Variants in STOX2 observed in about 807,000 individuals in gnomAD.
STOX2 encodes storkhead-box protein 2.
In STOX2, 28 loss-of-function variants were observed where a neutral mutation model predicts 60.9. The observed-to-expected ratio is 0.46, with a 90% CI of 0.34 to 0.63. The LOEUF is 0.63. STOX2 is among the 30% of genes least tolerant of loss of function. The pLI, the probability that STOX2 is intolerant of heterozygous loss-of-function variation, is 0.01. For synonymous variants in STOX2, 472 were observed against 463.9 expected (o/e 1.02, Z -0.22); for missense variants, 1,024 against 1,187.7 (o/e 0.86, Z 2.03).
At position 183,954,445 on chromosome 4, in the gene STOX2, T is replaced by A. The variant is rs556292044; in HGVS notation, c.167-46880T>A. 3.3e-5 allele frequency among the ~76,000 whole-genome samples: 5 copies of A among 150,828 alleles called. No homozygotes were observed. The East Asian group carries it at 1.0e-3, about 30-fold the overall frequency. On this transcript the variant is annotated intron_variant, in intron 1 of 3. Transcript: ENST00000308497. ...CTGGGATTACAGGCGCCCACCACCA[T>A]ACCTGGCTAATTTTTTGTATTTTTA...
chr4:183,869,821 C>T (rs1028929265), intron 1 of STOX2, among the ~76,000 whole-genome samples: 1 of 152,140 alleles, frequency 6.6e-6, no homozygotes, highest in African/African-American at 2.4e-5. Flanking sequence ...CATTGATAAG[C>T]TATTTAAAAA....
intron 1 of STOX2, among the ~76,000 whole-genome samples, chr4:183,948,241 A>AC (rs1469003169): frequency 2.7e-5 from 4 of 150,322 alleles, no homozygotes; most frequent in Non-Finnish European, 5.9e-5. Context: ...AAAAAAAAAA[A>AC]AAACACGAAA....
chr4:183,880,591 A>G (rs1198297168), intron 1 of STOX2, among the ~76,000 whole-genome samples: 1 of 152,196 alleles, frequency 6.6e-6, no homozygotes, highest in Non-Finnish European at 1.5e-5. Flanking sequence ...GTATGTTTGG[A>G]GACTAGGAGA....
intron 1 of STOX2, among the ~76,000 whole-genome samples, chr4:183,897,733 C>T (rs1741369308): frequency 6.6e-6 from 1 of 152,108 alleles, no homozygotes; most frequent in Non-Finnish European, 1.5e-5. Flanking sequence ...AAAAACAGAT[C>T]CTGAGGTTCA....
chr4:183,926,128 G>A (rs1383212161), intron 1 of STOX2, among the ~76,000 whole-genome samples: 1 of 151,982 alleles, frequency 6.6e-6, no homozygotes, highest in African/African-American at 2.4e-5. Context: ...TCACCTATAT[G>A]AGAACAGATG....
At chr4:183,997,133 A>C (rs1579523537) in intron 1 of STOX2, among the ~76,000 whole-genome samples, 2 of 152,236 alleles carry the variant, frequency 1.3e-5, no homozygotes, top group South Asian at 4.1e-4. Flanking sequence ...ACATGCACAC[A>C]TGCAGGGAGA....
rs1194705834 is a variant in STOX2 at position 184,017,339 on chromosome 4, C to A, written c.*55C>A. The A allele has an allele frequency of 7.0e-7, 1 of 1,431,604 alleles. No individual in the cohort carries two copies. Among genetic ancestry groups the A allele is most frequent in the African/African-American group, 1.4e-5 (1 of 69,818 alleles). The allele number at this position is 1,431,604 out of a possible 1,614,324, so 88.7% of individuals were successfully genotyped here. Reference sequence around the variant, plus strand: ...ATTCGATACAGCAAAGTTTACGACACTGGGACTGATGTTTACATCTTTGGA... The same window carrying A: ...ATTCGATACAGCAAAGTTTACGACAATGGGACTGATGTTTACATCTTTGGA... On this transcript the variant is annotated 3_prime_UTR_variant, in exon 4 of 4. Transcript: ENST00000308497.
At chr4:183,898,359 G>A (rs1579388095) in intron 1 of STOX2, among the ~76,000 whole-genome samples, 2 of 152,192 alleles carry the variant, frequency 1.3e-5, no homozygotes, top group East Asian at 3.8e-4. Context: ...CATTTGCCAT[G>A]ACTGGAAATG....
intron 1 of STOX2, among the ~76,000 whole-genome samples, chr4:183,884,006 C>T (rs528312466): frequency 6.6e-6 from 1 of 152,256 alleles, no homozygotes; most frequent in Non-Finnish European, 1.5e-5. Context: ...GCGCCCGCCA[C>T]CACGCCCGGC....
chr4:183,799,609 G>GT (rs1738714201), intron 1 of STOX2, among the ~76,000 whole-genome samples: 1 of 151,874 alleles, frequency 6.6e-6, no homozygotes. Context: ...GCTCCAAAAA[G>GT]TATCAATGGC....
upstream of STOX2, among the ~76,000 whole-genome samples, chr4:183,901,985 C>CAT (rs1408059087): frequency 6.6e-6 from 1 of 152,094 alleles, no homozygotes; most frequent in Non-Finnish European, 1.5e-5. Context: ...TCTTTGATGT[C>CAT]ATATACTTGG....
intron 1 of STOX2, among the ~76,000 whole-genome samples, chr4:183,814,580 T>G (rs28493868): frequency 0.075 from 11,453 of 152,208 alleles, 1,440 homozygotes; most frequent in African/African-American, 0.26. Context: ...CAAATTTTTC[T>G]GTGTGTCAGA....
At chr4:183,962,028 C>A (rs998525976) in intron 1 of STOX2, among the ~76,000 whole-genome samples, 1 of 152,230 alleles carries the variant, frequency 6.6e-6, no homozygotes, top group African/African-American at 2.4e-5. Flanking sequence ...ATGAGACAGG[C>A]ACTTTTTCTC....
intron 1 of STOX2, among the ~76,000 whole-genome samples, chr4:183,935,145 A>G (rs1478983169): frequency 2.0e-5 from 3 of 152,254 alleles, no homozygotes; most frequent in Admixed American, 2.0e-4. Context: ...CTAAGTGCAG[A>G]TAATTACACA....
At chr4:183,956,462 C>T (rs1377670938) in intron 1 of STOX2, among the ~76,000 whole-genome samples, 1 of 151,420 alleles carries the variant, frequency 6.6e-6, no homozygotes, top group African/African-American at 2.4e-5. Context: ...ATCTATCTAT[C>T]TATCTATCTA....
At chr4:183,998,517 A>G (rs951643480) in intron 1 of STOX2, among the ~76,000 whole-genome samples, 1 of 152,110 alleles carries the variant, frequency 6.6e-6, no homozygotes, top group Non-Finnish European at 1.5e-5. Flanking sequence ...TTGCATCAGC[A>G]CTCAGCCAAT....
chr4:183,830,092 T>C (rs766505930), intron 1 of STOX2, among the ~76,000 whole-genome samples: 18 of 152,186 alleles, frequency 1.2e-4, no homozygotes, highest in Non-Finnish European at 2.2e-4. Context: ...AATGGATTTT[T>C]ATGTGGCCCT....
At chr4:183,814,895 T>G (rs554390280) in intron 1 of STOX2, among the ~76,000 whole-genome samples, 1 of 152,338 alleles carries the variant, frequency 6.6e-6, no homozygotes, top group South Asian at 2.1e-4. Context: ...CAGATTTTCT[T>G]TAGCGATAAA....
intron 1 of STOX2, among the ~76,000 whole-genome samples, chr4:183,850,483 C>T (rs185324707): frequency 6.6e-6 from 1 of 152,024 alleles, no homozygotes; most frequent in African/African-American, 2.4e-5. Context: ...AATCCCAGCA[C>T]TTTGGGAGGC....
Sources: gnomAD v4.1 joint callset for allele counts (sites outside exome capture counted in the v4.1 genomes callset) on GRCh38, gnomAD v4.1.1 for gene constraint, MANE v1.5 for transcripts, NCBI Gene and HGNC (gene_info 2026-07-23, HGNC 2026-07-21) for gene names.